Variants in PGBD5 observed in about 807,000 individuals in gnomAD.
The protein encoded by PGBD5 is piggyBac transposable element-derived protein 5.
In PGBD5, 14 loss-of-function variants were observed where a neutral mutation model predicts 47.9. The observed-to-expected ratio is 0.29, with a 90% CI of 0.19 to 0.46. PGBD5 has a LOEUF of 0.46. PGBD5 is among the 20% of genes least tolerant of loss of function. PGBD5 has a pLI of 1.00. For synonymous variants in PGBD5, 316 were observed against 306.3 expected (o/e 1.03, Z -0.33); for missense variants, 635 against 716.0 (o/e 0.89, Z 1.29).
rs745581004 is a variant in PGBD5, at chr1:230,368,177, A to C, written c.332-10856T>G. ...GGAGGAATAAGGTGGAGGAGAGAGA[A>C]GGCTTGGGGAGATGGATAAAAGCTG... On this transcript the variant is annotated intron_variant, in intron 1 of 6. Coordinates refer to ENST00000391860, the MANE Select transcript of PGBD5 (RefSeq NM_001258311.2). The C allele has an allele frequency of 6.7e-6, 9 of 1,353,124 alleles. No individual in the cohort carries two copies. In the East Asian group the frequency reaches 1.4e-4, roughly 21 times the overall value. The allele number at this position is 1,353,124 out of a possible 1,614,324, so 83.8% of individuals were successfully genotyped here. A position where few individuals can be genotyped will look rare whatever the true frequency, so the allele number is the denominator to read the frequency against.
rs1277069057 is a variant in PGBD5 at position 230,323,324 on chromosome 1, CCA to C, written c.*99_*100del. ...CTGTGCATCCCTCCCAGGCAGCAAG[CCA>C]CACACCAGGCCGTGTCCGGGTCTCT... On this transcript the variant is annotated 3_prime_UTR_variant, in exon 7 of 7. Coordinates refer to ENST00000391860, the MANE Select transcript of PGBD5 (RefSeq NM_001258311.2). The surrounding 1 kb of genome is among the most constrained non-coding windows in gnomAD (Gnocchi z 4.1). 5 of 1,395,064 alleles carry C rather than the reference CCA, an allele frequency of 3.6e-6. No homozygotes were observed. The highest frequency in any genetic ancestry group is 3.9e-6 in the Non-Finnish European group (4 of 1,029,614). 86.4% of individuals were successfully genotyped at this position (1,395,064 alleles called of 1,614,324 possible). A position where few individuals can be genotyped will look rare whatever the true frequency, so the allele number is the denominator to read the frequency against.
At chr1:230,414,548 G>A (rs931308201) in intron 1 of PGBD5, among the ~76,000 whole-genome samples, 7 of 152,018 alleles carry the variant, frequency 4.6e-5, no homozygotes, top group African/African-American at 1.5e-4. Flanking sequence ...TACCTCTTTC[G>A]ATCTTAAAGA....
chr1:230,376,710 C>T (rs1230180644), intron 1 of PGBD5, among the ~76,000 whole-genome samples: 3 of 152,090 alleles, frequency 2.0e-5, no homozygotes, highest in African/African-American at 4.8e-5. Flanking sequence ...ATGCTGTGCC[C>T]GAGGTCTGGG....
At chr1:230,333,165 C>A in intron 4 of PGBD5, 124 bp from the exon 5 acceptor site, 1 of 1,019,044 alleles carries the variant, frequency 9.8e-7, no homozygotes, top group Non-Finnish European at 1.4e-6. Context: ...GCTTGGGAGT[C>A]AGACCCTCTA....
chr1:230,389,812 A>C (rs1328616885), intron 1 of PGBD5, among the ~76,000 whole-genome samples: 2 of 152,220 alleles, frequency 1.3e-5, no homozygotes, highest in East Asian at 3.8e-4. Context: ...CAACTCATAC[A>C]CTATTTAGAA....
chr1:230,418,214 AT>A (rs1375418004), intron 1 of PGBD5, among the ~76,000 whole-genome samples: 2 of 152,230 alleles, frequency 1.3e-5, no homozygotes, highest in Non-Finnish European at 2.9e-5. Context: ...GAAGTGATGT[AT>A]ACAAACATCA....
chr1:230,330,985 T>C (rs1164264846), intron 5 of PGBD5, among the ~76,000 whole-genome samples: 1 of 152,196 alleles, frequency 6.6e-6, no homozygotes, highest in Non-Finnish European at 1.5e-5. Flanking sequence ...CTTTTAACAT[T>C]TGTCATCTTA....
In PGBD5 at chr1:230,357,342, G is replaced by C. The variant is rs755815295; in HGVS notation, c.332-21C>G. ...GGGACCTGAAACCCAAAGACAGGTG[G>C]AGTGTTCCTTAGGACGGCCGCCACA... On this transcript the variant is annotated intron_variant, in intron 1 of 6. Transcript: ENST00000391860. The surrounding 1 kb of genome is among the most constrained non-coding windows in gnomAD (Gnocchi z 5.7). The C allele has an allele frequency of 1.9e-6, 3 of 1,608,074 alleles. No homozygotes were observed. Among genetic ancestry groups the C allele is most frequent in the Non-Finnish European group, 1.7e-6 (2 of 1,176,376 alleles).
intron 3 of PGBD5, among the ~76,000 whole-genome samples, chr1:230,338,067 C>A (rs1385868599): frequency 6.6e-6 from 1 of 152,228 alleles, no homozygotes; most frequent in Non-Finnish European, 1.5e-5. Flanking sequence ...CAAACCAGAA[C>A]TGCTAGAGAA....
At chr1:230,343,578 C>T (rs901671) in intron 3 of PGBD5, among the ~76,000 whole-genome samples, 69,204 of 151,984 alleles carry the variant, frequency 0.46, 16,085 homozygotes, top group Non-Finnish European at 0.47. Flanking sequence ...CTCAACTTAC[C>T]GTGTCCAACC....
At chr1:230,380,077 C>T (rs1668073856) in intron 1 of PGBD5, among the ~76,000 whole-genome samples, 2 of 152,226 alleles carry the variant, frequency 1.3e-5, no homozygotes, top group African/African-American at 4.8e-5. Context: ...GTGCTATTTA[C>T]ATTTGCAGAC....
rs1238508990 is a variant in PGBD5 at position 230,320,723 on chromosome 1, C to T, written c.*2702G>A. ...TGTTGAACCCAGGGAGATACTGGAA[C>T]CAGATGCACTTCAACTAGAGTCACT... On this transcript the variant is annotated 3_prime_UTR_variant, in exon 7 of 7. Transcript: ENST00000391860. 6.6e-6 allele frequency: 1 copy of T among 152,226 alleles called. No individual in the cohort carries two copies. Among genetic ancestry groups the T allele is most frequent in the African/African-American group, 2.4e-5 (1 of 41,438 alleles). The allele number at this position is 152,226 out of a possible 1,614,324, so 9.4% of individuals were successfully genotyped here. A position where few individuals can be genotyped will look rare whatever the true frequency, so the allele number is the denominator to read the frequency against.
intron 1 of PGBD5, among the ~76,000 whole-genome samples, chr1:230,393,873 G>A (rs11584333): frequency 0.3 from 44,502 of 149,606 alleles, 7,715 homozygotes; most frequent in South Asian, 0.43. Context: ...CCAGTCCACA[G>A]CCTGATTAGA....
In PGBD5 at chr1:230,323,460, G is replaced by A. The variant is rs878923851; in HGVS notation, c.1540C>T (p.Leu514=). 5 of 1,614,102 alleles carry A rather than the reference G, an allele frequency of 3.1e-6. No individual in the cohort carries two copies. Among genetic ancestry groups the A allele is most frequent in the Middle Eastern group, 3.3e-4 (2 of 6,060 alleles). Reference sequence around the variant, plus strand: ...GGAGAGGCATCCTCCAAGCCCAGCAGCTCTCTGACGAGTCTCTCTCCAAAC... The same window carrying A: ...GGAGAGGCATCCTCCAAGCCCAGCAACTCTCTGACGAGTCTCTCTCCAAAC... ...AQFGERLVRE[L]LGLEDASPTH is the part of the protein sequence containing the mutation. The change falls in exon 7 of 7, where the codon CTG becomes TTG. Residue 514 remains leucine (L), a synonymous_variant. Coordinates refer to ENST00000391860, the MANE Select transcript of PGBD5 (RefSeq NM_001258311.2). The surrounding 1 kb of genome is among the most constrained non-coding windows in gnomAD (Gnocchi z 4.1).
At position 230,314,941 on chromosome 1, in the gene PGBD5, C is replaced by T. The variant is rs1428371719; in HGVS notation, c.*8484G>A. The T allele has an allele frequency of 1.3e-5, 2 of 151,932 alleles. No individual in the cohort carries two copies. 9.4% of individuals were successfully genotyped at this position (151,932 alleles called of 1,614,324 possible). ...GATTTCCTCATCATCAATGGCGGCTCTCCTGAACTAGGGATGAGTGTGAAT... is the reference window on the plus strand; with the variant it reads ...GATTTCCTCATCATCAATGGCGGCTTTCCTGAACTAGGGATGAGTGTGAAT... On this transcript the variant is annotated 3_prime_UTR_variant, in exon 7 of 7. Transcript: ENST00000391860.
intron 3 of PGBD5, among the ~76,000 whole-genome samples, chr1:230,345,748 G>T (rs1667465168): frequency 6.6e-6 from 1 of 152,230 alleles, no homozygotes; most frequent in Admixed American, 6.5e-5. Context: ...GATCACGAGG[G>T]TAAACAACCA....
At chr1:230,369,537 C>A (rs1343069368) in intron 1 of PGBD5, among the ~76,000 whole-genome samples, 1 of 152,186 alleles carries the variant, frequency 6.6e-6, no homozygotes, top group African/African-American at 2.4e-5. Flanking sequence ...AGTCACCTGC[C>A]AAAGGTGCGC....
In PGBD5 at chr1:230,316,173, C is replaced by CGTACACATGTGCATATGTGT. The variant is rs1666946520; in HGVS notation, c.*7251_*7252insACACATATGCACATGTGTAC. 1 of 102,890 alleles carries CGTACACATGTGCATATGTGT rather than the reference C, an allele frequency of 9.7e-6. No homozygotes were observed. The highest frequency in any genetic ancestry group is 3.5e-5 in the African/African-American group (1 of 28,976). 6.4% of individuals were successfully genotyped at this position (102,890 alleles called of 1,614,324 possible). ...ACACATATATGTATGTGTATACATACATACGTACACATGTGCATGTGTATA... is the reference window on the plus strand; with the variant it reads ...ACACATATATGTATGTGTATACATACGTACACATGTGCATATGTGTATACGTACACATGTGCATGTGTATA... On this transcript the variant is annotated 3_prime_UTR_variant, in exon 7 of 7. Transcript: ENST00000391860.
Position 230,374,703 on chromosome 1 carries a change from C to G in PGBD5, c.332-17382G>C, listed in dbSNP as rs150451937. 7.2e-3 allele frequency among the ~76,000 whole-genome samples: 1,101 copies of G among 152,268 alleles called. 3 individuals carry two copies. Among genetic ancestry groups the G allele is most frequent in the South Asian group, 0.018 (89 of 4,824 alleles). On this transcript the variant is annotated intron_variant, in intron 1 of 6. Coordinates refer to ENST00000391860, the MANE Select transcript of PGBD5 (RefSeq NM_001258311.2). ...AGGTGCTATTTTAAAGAAACAAGCA[C>G]TAGAGGTCCCAACAGTCTTCTAACC...
Sources: allele counts gnomAD v4.1 joint callset (sites outside exome capture counted in the v4.1 genomes callset), GRCh38; gene constraint gnomAD v4.1.1; non-coding constraint Gnocchi (gnomAD v3.1); transcripts MANE v1.5; gene names NCBI Gene and HGNC (gene_info 2026-07-23, HGNC 2026-07-21).